The following L2HGDH variants were observed in gnomAD, a reference collection of about 807,000 sequenced individuals.
The protein encoded by L2HGDH is L-2-hydroxyglutarate dehydrogenase, mitochondrial.
Under a neutral mutation model 51.5 loss-of-function variants are expected in L2HGDH, and 34 were observed. The observed-to-expected ratio is 0.66, with a 90% CI of 0.50 to 0.88. L2HGDH has a LOEUF of 0.88. L2HGDH is among the 40% of genes least tolerant of loss of function. The pLI is 0.00. For synonymous variants in L2HGDH, 198 were observed against 197.9 expected (o/e 1.00, Z -0.01); for missense variants, 558 against 571.9 (o/e 0.98, Z 0.25).
At position 50,243,720 on chromosome 14, in the gene L2HGDH, T is replaced by C. The variant is rs1887888695; in HGVS notation, c.*3338A>G. ...ATTATACTTTAAGTTTTAGGGTACA[T>C]GTGCACAATGTGCAGGTTAGTTACA... On this transcript the variant is annotated 3_prime_UTR_variant, in exon 10 of 10. Coordinates refer to ENST00000267436, the MANE Select transcript of L2HGDH (RefSeq NM_024884.3). The C allele has an allele frequency of 5.6e-6, 1 of 179,378 alleles. No individual in the cohort carries two copies. Among genetic ancestry groups the C allele is most frequent in the Non-Finnish European group, 1.1e-5 (1 of 94,330 alleles). The allele number at this position is 179,378 out of a possible 1,614,324, so 11.1% of individuals were successfully genotyped here.
chr14:50,245,208 A>T lies in L2HGDH; in HGVS notation c.*1850T>A. On this transcript the variant is annotated 3_prime_UTR_variant, in exon 10 of 10. Transcript: ENST00000267436. ...GCCCTGAAAAATCAAGTACGTATGA[A>T]TCATTACCAATCTTGGCCAACATTT... 1 of 985,296 alleles carries T rather than the reference A, an allele frequency of 1.0e-6. No individual in the cohort carries two copies. The highest frequency in any genetic ancestry group is 1.2e-6 in the Non-Finnish European group (1 of 829,732). The allele number at this position is 985,296 out of a possible 1,614,324, so 61.0% of individuals were successfully genotyped here.
chr14:50,306,160 T>G (rs2030711558), intron 1 of L2HGDH, among the ~76,000 whole-genome samples: 2 of 151,798 alleles, frequency 1.3e-5, no homozygotes, highest in South Asian at 4.2e-4. Flanking sequence ...AAGCGATTCT[T>G]CCACCTCAGC....
intron 4 of L2HGDH, among the ~76,000 whole-genome samples, chr14:50,293,659 C>T (rs1203532078): frequency 6.6e-6 from 1 of 152,172 alleles, no homozygotes; most frequent in Non-Finnish European, 1.5e-5. Flanking sequence ...TCATGCCAGC[C>T]TTATCCGCCT....
chr14:50,273,835 C>T (rs996228790), intron 6 of L2HGDH, among the ~76,000 whole-genome samples: 4 of 152,190 alleles, frequency 2.6e-5, no homozygotes, highest in Non-Finnish European at 2.9e-5. Flanking sequence ...AATCCCCGCA[C>T]TTTGGGAGCC....
chr14:50,257,970 T>C (rs1275783718), intron 9 of L2HGDH, among the ~76,000 whole-genome samples: 5 of 151,058 alleles, frequency 3.3e-5, no homozygotes, highest in African/African-American at 9.7e-5. Context: ...CTGGGAGGGG[T>C]TGGATTCAGG....
Position 50,244,392 on chromosome 14 carries a change from G to C in L2HGDH, c.*2666C>G, listed in dbSNP as rs2139916080. ...TACAGACTCAAATGGATTGAGGACTGCTTCAATTAGGACAATCATTTTTTG... is the reference window on the plus strand; with the variant it reads ...TACAGACTCAAATGGATTGAGGACTCCTTCAATTAGGACAATCATTTTTTG... On this transcript the variant is annotated 3_prime_UTR_variant, in exon 10 of 10. Coordinates refer to ENST00000267436, the MANE Select transcript of L2HGDH (RefSeq NM_024884.3). 1 of 985,280 alleles carries C rather than the reference G, an allele frequency of 1.0e-6. No individual in the cohort carries two copies. Among genetic ancestry groups the C allele is most frequent in the South Asian group, 4.7e-5 (1 of 21,290 alleles). 61.0% of individuals were successfully genotyped at this position (985,280 alleles called of 1,614,324 possible).
At position 50,290,897 on chromosome 14, in the gene L2HGDH, T is replaced by C. The variant is rs374771687; in HGVS notation, c.540+3218A>G. ...TTTAATTTTTTTAACACACTTAAAATGTAAAAAACATTTTTAGCATGGCCG... is the reference window on the plus strand; with the variant it reads ...TTTAATTTTTTTAACACACTTAAAACGTAAAAAACATTTTTAGCATGGCCG... On this transcript the variant is annotated intron_variant, in intron 4 of 9. Coordinates refer to ENST00000267436, the MANE Select transcript of L2HGDH (RefSeq NM_024884.3). 1.6e-4 allele frequency among the ~76,000 whole-genome samples: 24 copies of C among 152,222 alleles called. No homozygotes were observed. The East Asian group carries it at 3.3e-3, about 21-fold the overall frequency.
rs186626891 is a variant in L2HGDH at position 50,261,514 on chromosome 14, G to T, written c.1196+3844C>A. Reference sequence around the variant, plus strand: ...ATATATATATTTGAGACAGGGTCTTGTTCTCTCCACCAGGCTGGAGGACAG... The same window carrying T: ...ATATATATATTTGAGACAGGGTCTTTTTCTCTCCACCAGGCTGGAGGACAG... On this transcript the variant is annotated intron_variant, in intron 9 of 9. Coordinates refer to ENST00000267436, the MANE Select transcript of L2HGDH (RefSeq NM_024884.3). Among the ~76,000 whole-genome samples, 440 of 152,262 alleles carry T rather than the reference G, an allele frequency of 2.9e-3. 2 individuals carry two copies. Among genetic ancestry groups the T allele is most frequent in the African/African-American group, 9.9e-3 (411 of 41,548 alleles).
intron 4 of L2HGDH, chr14:50,287,232 A>G (rs758580141): frequency 2.0e-6 from 2 of 985,306 alleles, no homozygotes; most frequent in Non-Finnish European, 2.4e-6. Flanking sequence ...AGACTCATCC[A>G]TAACTTTTAC....
chr14:50,301,282 C>A (rs950795399), intron 3 of L2HGDH, among the ~76,000 whole-genome samples: 1 of 152,132 alleles, frequency 6.6e-6, no homozygotes. Context: ...AAATGTTAAA[C>A]ATGGAGTTAC....
At chr14:50,248,576 A>G (rs1007710351) in intron 9 of L2HGDH, among the ~76,000 whole-genome samples, 1 of 152,260 alleles carries the variant, frequency 6.6e-6, no homozygotes, top group Non-Finnish European at 1.5e-5. Flanking sequence ...ACAGAGCTAT[A>G]CTATTCATTC....
At chr14:50,254,701 G>T (rs553444212) in intron 9 of L2HGDH, among the ~76,000 whole-genome samples, 2 of 151,902 alleles carry the variant, frequency 1.3e-5, no homozygotes, top group Non-Finnish European at 2.9e-5. Context: ...CTATACTCTT[G>T]TCCACATATT....
intron 6 of L2HGDH, 34 bp downstream of exon 6, chr14:50,278,486 A>G: frequency 7.1e-7 from 1 of 1,400,796 alleles, no homozygotes; most frequent in African/African-American, 1.4e-5. Flanking sequence ...GGAGGGAAAG[A>G]AAGTAGCCAG....
chr14:50,242,685 GTCCT>G lies in L2HGDH; in HGVS notation c.*4369_*4372del, dbSNP rs1372416566. Reference sequence around the variant, plus strand: ...TTTGCTTTCCCAACCATTTCACCCTGTCCTTCTACCTTAAGCCCTGATGAAGAGA... The same window carrying G: ...TTTGCTTTCCCAACCATTTCACCCTGTCTACCTTAAGCCCTGATGAAGAGA... On this transcript the variant is annotated 3_prime_UTR_variant, in exon 10 of 10. Transcript: ENST00000267436. 2 of 985,272 alleles carry G rather than the reference GTCCT, an allele frequency of 2.0e-6. No individual in the cohort carries two copies. The highest frequency in any genetic ancestry group is 1.2e-4 in the Admixed American group (2 of 16,254). The allele number at this position is 985,272 out of a possible 1,614,324, so 61.0% of individuals were successfully genotyped here.
chr14:50,267,277 G>T (rs912507756), intron 8 of L2HGDH, among the ~76,000 whole-genome samples: 1 of 151,922 alleles, frequency 6.6e-6, no homozygotes, highest in South Asian at 2.1e-4. Flanking sequence ...CTGCCTCCCG[G>T]GTTCATGCCA....
chr14:50,296,648 T>C (rs2030077040), intron 3 of L2HGDH, among the ~76,000 whole-genome samples: 1 of 138,134 alleles, frequency 7.2e-6, no homozygotes, highest in South Asian at 2.3e-4. Context: ...TGCTACCAGA[T>C]GTTAAAAAAA....
intron 4 of L2HGDH, among the ~76,000 whole-genome samples, chr14:50,284,279 T>G (rs1890441610): frequency 6.6e-6 from 1 of 152,224 alleles, no homozygotes; most frequent in Non-Finnish European, 1.5e-5. Context: ...TAAGCTCTAG[T>G]GAGATTTTTC....
intron 4 of L2HGDH, among the ~76,000 whole-genome samples, chr14:50,293,792 G>A (rs2029881126): frequency 6.6e-6 from 1 of 152,124 alleles, no homozygotes; most frequent in African/African-American, 2.4e-5. Flanking sequence ...GCCTAACCCT[G>A]CCTTTTCAGT....
chr14:50,248,436 T>C (rs1260355661), intron 9 of L2HGDH, among the ~76,000 whole-genome samples: 1 of 152,218 alleles, frequency 6.6e-6, no homozygotes, highest in African/African-American at 2.4e-5. Context: ...GTAATAGCTA[T>C]TATTTAGTAA....
Sources: allele counts gnomAD v4.1 joint callset (sites outside exome capture counted in the v4.1 genomes callset), GRCh38; gene constraint gnomAD v4.1.1; transcripts MANE v1.5; gene names NCBI Gene and HGNC (gene_info 2026-07-23, HGNC 2026-07-21).